The following STAG1 variants were observed in gnomAD, a reference collection of about 807,000 sequenced individuals.
STAG1 encodes the protein STAG1 cohesin complex component.
A neutral mutation model predicts 170.9 loss-of-function variants in STAG1; 26 were observed. The ratio of observed to expected loss-of-function variants is 0.15; its 90% CI spans 0.11 to 0.21. The LOEUF (loss-of-function observed/expected upper bound fraction) is 0.21, where lower values mean the gene tolerates loss of function less well. Ranked by LOEUF, STAG1 falls within the 10% of genes least tolerant of loss-of-function variation. The pLI is 1.00. For synonymous variants in STAG1, 514 were observed against 497.7 expected (o/e 1.03, Z -0.44); for missense variants, 964 against 1,509.5 (o/e 0.64, Z 5.99).
At chr3:136,514,805 C>G (rs539034820) in intron 7 of STAG1, among the ~76,000 whole-genome samples, 3 of 152,154 alleles carry the variant, frequency 2.0e-5, no homozygotes, top group Admixed American at 2.0e-4. Context: ...AGCAAACTAT[C>G]ACAAGGACAG....
chr3:136,631,474 T>C (rs1277738161), intron 1 of STAG1, among the ~76,000 whole-genome samples: 1 of 152,170 alleles, frequency 6.6e-6, no homozygotes, highest in African/African-American at 2.4e-5. Context: ...GGATGTGTCA[T>C]TACAGATTTG....
At chr3:136,385,497 T>TA (rs1208050085) in intron 22 of STAG1, among the ~76,000 whole-genome samples, 2 of 152,140 alleles carry the variant, frequency 1.3e-5, no homozygotes, top group African/African-American at 4.8e-5. Flanking sequence ...ATGGCTCGAG[T>TA]AGTAAGATCA....
intron 1 of STAG1, among the ~76,000 whole-genome samples, chr3:136,694,233 G>A (rs1014134743): frequency 2.0e-5 from 3 of 152,126 alleles, no homozygotes; most frequent in East Asian, 3.9e-4. Context: ...CAGAAGCTGA[G>A]GAAGTGGAGA....
At chr3:136,606,909 G>A (rs1016532313) in intron 3 of STAG1, among the ~76,000 whole-genome samples, 9 of 151,670 alleles carry the variant, frequency 5.9e-5, no homozygotes, top group Non-Finnish European at 8.8e-5. Context: ...CCACCACCCC[G>A]GCTAACTTTT....
intron 10 of STAG1, among the ~76,000 whole-genome samples, chr3:136,473,956 G>T (rs1413630599): frequency 6.6e-6 from 1 of 152,148 alleles, no homozygotes; most frequent in Non-Finnish European, 1.5e-5. Context: ...TTAGGGAAAA[G>T]TATGTTTATT....
intron 9 of STAG1, among the ~76,000 whole-genome samples, chr3:136,496,742 C>T (rs1035388125): frequency 2.0e-5 from 3 of 151,618 alleles, no homozygotes; most frequent in Admixed American, 2.0e-4. Flanking sequence ...CTAAGAAGAG[C>T]TGAAGAAGTG....
chr3:136,478,598 TA>T (rs2089825204), intron 9 of STAG1, among the ~76,000 whole-genome samples: 1 of 152,200 alleles, frequency 6.6e-6, no homozygotes, highest in African/African-American at 2.4e-5. Context: ...TCATTTTAGC[TA>T]AAATTTTAAT....
intron 9 of STAG1, among the ~76,000 whole-genome samples, chr3:136,490,608 T>G (rs2090106519): frequency 6.6e-6 from 1 of 152,132 alleles, no homozygotes; most frequent in Non-Finnish European, 1.5e-5. Flanking sequence ...TAATTAATAT[T>G]TACATTTTAA....
chr3:136,596,734 T>C (rs956253316), intron 4 of STAG1, among the ~76,000 whole-genome samples: 3 of 152,230 alleles, frequency 2.0e-5, no homozygotes, highest in Non-Finnish European at 2.9e-5. Flanking sequence ...TTAAAATTTA[T>C]TCGTACTGGT....
chr3:136,353,268 T>C (rs1936506199), intron 28 of STAG1, among the ~76,000 whole-genome samples: 1 of 152,148 alleles, frequency 6.6e-6, no homozygotes, highest in Non-Finnish European at 1.5e-5. Context: ...GTAACCAAGG[T>C]AGCAGACGAA....
intron 6 of STAG1, among the ~76,000 whole-genome samples, chr3:136,526,659 C>T (rs989581933): frequency 2.1e-4 from 32 of 152,210 alleles, no homozygotes; most frequent in African/African-American, 7.5e-4. Flanking sequence ...TTATTTTGTT[C>T]ATTAGTTGAT....
chr3:136,683,621 A>G (rs1942417320), intron 1 of STAG1, among the ~76,000 whole-genome samples: 3 of 152,210 alleles, frequency 2.0e-5, no homozygotes, highest in Non-Finnish European at 4.4e-5. Flanking sequence ...AGAAACTAGA[A>G]ACTTTCCTAC....
At chr3:136,718,930 TA>T (rs933395998) in intron 1 of STAG1, among the ~76,000 whole-genome samples, 2 of 150,980 alleles carry the variant, frequency 1.3e-5, no homozygotes, top group Non-Finnish European at 3.0e-5. Context: ...CTACCTCAAA[TA>T]AAAAAAAGGC....
Position 136,436,872 on chromosome 3 carries a change from T to C in STAG1, c.1547-3213A>G, listed in dbSNP as rs954125223. 3.9e-5 allele frequency among the ~76,000 whole-genome samples: 6 copies of C among 152,210 alleles called. 1 individual carries two copies. The highest frequency in any genetic ancestry group is 7.2e-5 in the African/African-American group (3 of 41,462). ...ACATCTTAATTCAGTGTTTTAACAA[T>C]TGTCTTTTAAAAAAACACATGAACT... On this transcript the variant is annotated intron_variant, in intron 15 of 33. Coordinates refer to ENST00000383202, the MANE Select transcript of STAG1 (RefSeq NM_005862.3).
intron 21 of STAG1, among the ~76,000 whole-genome samples, chr3:136,409,369 C>T (rs1166408561): frequency 6.6e-6 from 1 of 151,884 alleles, no homozygotes; most frequent in African/African-American, 2.4e-5. Flanking sequence ...TCCTTTGAGA[C>T]AGTCTCATCC....
intron 1 of STAG1, among the ~76,000 whole-genome samples, chr3:136,745,098 A>C (rs1295246885): frequency 1.3e-5 from 2 of 152,228 alleles, no homozygotes; most frequent in Non-Finnish European, 2.9e-5. Flanking sequence ...CTAGGCTACA[A>C]TGTAAAATGT....
At chr3:136,541,538 TCA>T (rs59155124) in intron 6 of STAG1, among the ~76,000 whole-genome samples, 12,792 of 122,924 alleles carry the variant, frequency 0.1, 587 homozygotes, top group East Asian at 0.16. Context: ...AGCTTAACAT[TCA>T]CACACACACA....
intron 3 of STAG1, among the ~76,000 whole-genome samples, chr3:136,613,261 T>C (rs144407016): frequency 0.017 from 2,205 of 128,562 alleles, 33 homozygotes; most frequent in Non-Finnish European, 0.024. Context: ...GCCACGATCA[T>C]GCCACTGCAC....
chr3:136,474,133 A>C (rs1481081147), intron 10 of STAG1, among the ~76,000 whole-genome samples: 3 of 152,178 alleles, frequency 2.0e-5, no homozygotes, highest in Non-Finnish European at 4.4e-5. Context: ...GCAAAATGAT[A>C]CATGAAGAGT....
Sources: gnomAD v4.1 joint callset for allele counts (sites outside exome capture counted in the v4.1 genomes callset) on GRCh38, gnomAD v4.1.1 for gene constraint, MANE v1.5 for transcripts, NCBI Gene and HGNC (gene_info 2026-07-23, HGNC 2026-07-21) for gene names.